PDE11A: variants seen among roughly 807,000 people sequenced by gnomAD.
The protein encoded by PDE11A is dual 3',5'-cyclic-AMP and -GMP phosphodiesterase 11A.
Under a neutral mutation model 100.5 loss-of-function variants are expected in PDE11A, and 100 were observed. That is an observed-to-expected ratio of 1.00 (90% CI 0.85 to 1.18). The LOEUF (loss-of-function observed/expected upper bound fraction) is 1.18, where lower values mean the gene tolerates loss of function less well. PDE11A is among the 50% of genes most tolerant of loss of function. The probability of loss-of-function intolerance (pLI) is 0.00; values close to 1 mark genes in which losing one functional copy is unlikely to be tolerated. For synonymous variants in PDE11A, 381 were observed against 420.8 expected, an observed-to-expected ratio of 0.91 and a Z score of 1.16; for missense variants, 1,141 against 1,152.6, an observed-to-expected ratio of 0.99 and a Z score of 0.15.
intron 3 of PDE11A, among the ~76,000 whole-genome samples, chr2:177,904,556 CTTTTTT>C (rs11333208): frequency 7.5e-6 from 1 of 133,112 alleles, no homozygotes; most frequent in Admixed American, 7.5e-5. Flanking sequence ...TATTAATCTC[CTTTTTT>C]TTTTTTTTTT....
At chr2:177,931,736 A>T (rs1288680443) in intron 2 of PDE11A, among the ~76,000 whole-genome samples, 1 of 152,066 alleles carries the variant, frequency 6.6e-6, no homozygotes, top group Non-Finnish European at 1.5e-5. Context: ...TCACACCTAG[A>T]GGAACTAAAA....
chr2:178,095,804 C>A (rs1022169730), intron 2 of PDE11A, among the ~76,000 whole-genome samples: 3 of 152,228 alleles, frequency 2.0e-5, no homozygotes, highest in Non-Finnish European at 4.4e-5. Context: ...AGGCCCCACA[C>A]CACATAGAAG....
chr2:177,885,669 C>T (rs1039147031), intron 4 of PDE11A, among the ~76,000 whole-genome samples: 1 of 152,090 alleles, frequency 6.6e-6, no homozygotes, highest in Non-Finnish European at 1.5e-5. Context: ...AAGGCTGAGG[C>T]AATTTTTGCA....
chr2:177,826,627 G>C (rs560886877), intron 6 of PDE11A, among the ~76,000 whole-genome samples: 1 of 152,310 alleles, frequency 6.6e-6, no homozygotes, highest in South Asian at 2.1e-4. Flanking sequence ...AAATGATTGT[G>C]CTTGGAGCTG....
chr2:177,872,462 G>A (rs146939561), intron 5 of PDE11A, among the ~76,000 whole-genome samples: 26 of 152,272 alleles, frequency 1.7e-4, no homozygotes, highest in African/African-American at 6.3e-4. Flanking sequence ...CAGGAGACTA[G>A]CTATGACAAA....
chr2:177,698,535 AATGACTGC>A (rs1267698091), intron 14 of PDE11A: 53 of 152,282 alleles, frequency 3.5e-4, no homozygotes, highest in African/African-American at 1.1e-3. Flanking sequence ...AATGTGGTGG[AATGACTGC>A]CTGAGAATGA....
intron 2 of PDE11A, among the ~76,000 whole-genome samples, chr2:177,912,141 T>G (rs1247412334): frequency 6.6e-6 from 1 of 151,970 alleles, no homozygotes; most frequent in Non-Finnish European, 1.5e-5. Flanking sequence ...TGGTCCAAAT[T>G]TGGGGCAGAA....
chr2:177,921,787 C>G (rs1249726752), intron 2 of PDE11A: 1 of 152,176 alleles, frequency 6.6e-6, no homozygotes, highest in Non-Finnish European at 1.5e-5. Flanking sequence ...AAAGAATATT[C>G]AGAAAAGCCG....
chr2:177,875,403 A>C (rs1239918250), intron 5 of PDE11A, among the ~76,000 whole-genome samples: 1 of 151,750 alleles, frequency 6.6e-6, no homozygotes, highest in African/African-American at 2.4e-5. Flanking sequence ...TTTGAGGCAG[A>C]GTCTCGCTCT....
At chr2:177,719,206 C>T (rs2081488945) in intron 12 of PDE11A, among the ~76,000 whole-genome samples, 1 of 152,162 alleles carries the variant, frequency 6.6e-6, no homozygotes, top group Non-Finnish European at 1.5e-5. Context: ...TCTGCTCTCA[C>T]CTTTCTTTTT....
intron 19 of PDE11A, among the ~76,000 whole-genome samples, chr2:177,657,622 G>A (rs902639432): frequency 6.6e-6 from 1 of 151,972 alleles, no homozygotes; most frequent in East Asian, 1.9e-4. Flanking sequence ...GGGGAAGAGG[G>A]GGAGTGGGGA....
At chr2:178,006,430 C>G (rs1035769557) in intron 2 of PDE11A, among the ~76,000 whole-genome samples, 11 of 152,076 alleles carry the variant, frequency 7.2e-5, no homozygotes, top group Non-Finnish European at 1.5e-4. Context: ...CAGGGTAGAC[C>G]AGTTTTTGTT....
chr2:177,652,028 A>G (rs1385978454), intron 19 of PDE11A, among the ~76,000 whole-genome samples: 1 of 152,306 alleles, frequency 6.6e-6, no homozygotes, highest in East Asian at 1.9e-4. Flanking sequence ...CTTACTAGTA[A>G]CAATGTGATA....
upstream of PDE11A, among the ~76,000 whole-genome samples, chr2:178,074,447 G>A (rs567762763): frequency 1.3e-5 from 2 of 152,302 alleles, no homozygotes; most frequent in East Asian, 1.9e-4. Context: ...TACAGCAGCA[G>A]TGTTGTGCAC....
chr2:177,649,364 G>A (rs904793366), intron 19 of PDE11A, among the ~76,000 whole-genome samples: 2 of 152,046 alleles, frequency 1.3e-5, no homozygotes, highest in Non-Finnish European at 2.9e-5. Flanking sequence ...CAACATCAAT[G>A]TCCATAAATA....
At chr2:177,801,284 C>T (rs1012562763) in intron 9 of PDE11A, among the ~76,000 whole-genome samples, 11 of 152,026 alleles carry the variant, frequency 7.2e-5, no homozygotes, top group African/African-American at 2.7e-4. Context: ...ATTTATCTTG[C>T]TAATTTATTT....
intron 19 of PDE11A, among the ~76,000 whole-genome samples, chr2:177,649,246 T>A (rs2080271896): frequency 6.6e-6 from 1 of 152,180 alleles, no homozygotes; most frequent in African/African-American, 2.4e-5. Flanking sequence ...ATATGCCAAA[T>A]GCCCAGTTAT....
chr2:177,631,563 AT>A (rs1676845695), intron 19 of PDE11A, among the ~76,000 whole-genome samples: 2 of 38,958 alleles, frequency 5.1e-5, no homozygotes, highest in Admixed American at 4.3e-4. Flanking sequence ...GTATATATAT[AT>A]ATATACATGT....
chr2:178,096,724 C>T (rs1574396832), intron 2 of PDE11A, among the ~76,000 whole-genome samples: 1 of 152,212 alleles, frequency 6.6e-6, no homozygotes, highest in African/African-American at 2.4e-5. Context: ...ACCACCTCAG[C>T]CTGAACTTCA....
Sources: allele counts gnomAD v4.1 joint callset (sites outside exome capture counted in the v4.1 genomes callset), GRCh38; gene constraint gnomAD v4.1.1; transcripts MANE v1.5; gene names NCBI Gene and HGNC (gene_info 2026-07-23, HGNC 2026-07-21).